Variants in SLC6A16 observed in about 807,000 individuals in gnomAD.
SLC6A16 encodes the protein orphan sodium- and chloride-dependent neurotransmitter transporter NTT5.
Under a neutral mutation model 65.4 loss-of-function variants are expected in SLC6A16, and 54 were observed. The observed-to-expected ratio is 0.83, with a 90% CI of 0.66 to 1.04. The LOEUF (loss-of-function observed/expected upper bound fraction) is 1.04. Among genes scored for constraint, SLC6A16 ranks in the 50% least tolerant of loss-of-function variants. The pLI, the probability that SLC6A16 is intolerant of heterozygous loss-of-function variation, is 0.00. For missense variants in SLC6A16, 816 were observed against 914.0 expected, an observed-to-expected ratio of 0.89 and a Z score of 1.38; for synonymous variants, 330 against 346.5, an observed-to-expected ratio of 0.95 and a Z score of 0.53.
rs955033826 is a variant in SLC6A16, at chr19:49,290,018, A to G, written c.*105T>C. 5 of 1,223,516 alleles carry G rather than the reference A, an allele frequency of 4.1e-6. No individual in the cohort carries two copies. The highest frequency in any genetic ancestry group is 3.0e-5 in the African/African-American group (2 of 66,454). The allele number at this position is 1,223,516 out of a possible 1,614,324, so 75.8% of individuals were successfully genotyped here. ...AAGAATGCCCCTCCTCTTGGAAATA[A>G]AAGTGGTTCTGGATCCAGGGAGATC... On this transcript the variant is annotated 3_prime_UTR_variant, in exon 12 of 12. Coordinates refer to ENST00000335875, the MANE Select transcript of SLC6A16 (RefSeq NM_014037.3).
At chr19:49,318,359 A>C (rs1255264914) in intron 1 of SLC6A16, among the ~76,000 whole-genome samples, 2 of 148,646 alleles carry the variant, frequency 1.3e-5, no homozygotes, top group Non-Finnish European at 3.0e-5. Context: ...TTTAGACCTG[A>C]AAAAAAAAAA....
Position 49,290,600 on chromosome 19 carries a change from C to A in SLC6A16, c.1941+5G>T. ...AAGGGGTTCTGGGTCCTGGGGGAGGCTCACGGTGCTTGAGTCCCAGGACAT... is the reference window on the plus strand; with the variant it reads ...AAGGGGTTCTGGGTCCTGGGGGAGGATCACGGTGCTTGAGTCCCAGGACAT... On this transcript the variant is annotated splice_donor_5th_base_variant and intron_variant, in intron 11 of 11. Transcript: ENST00000335875. 1 of 1,613,992 alleles carries A rather than the reference C, an allele frequency of 6.2e-7. No individual in the cohort carries two copies. Among genetic ancestry groups the A allele is most frequent in the Non-Finnish European group, 8.5e-7 (1 of 1,179,936 alleles).
the SLC6A16 span, chr19:49,335,259 A>G: frequency 6.3e-6 from 3 of 475,394 alleles, no homozygotes; most frequent in Non-Finnish European, 1.1e-5. This position sits in a 1 kb window ranked among gnomAD's most constrained non-coding sequence, Gnocchi z 4.6. Context: ...CTGCCCCATG[A>G]GTCCTTGGTG....
At chr19:49,309,206 G>C in intron 6 of SLC6A16, 89 bp from the exon 7 acceptor site, 1 of 1,587,252 alleles carries the variant, frequency 6.3e-7, no homozygotes, top group Admixed American at 1.7e-5. Context: ...GAGAGAGGGA[G>C]ATACAAAAGT....
chr19:49,315,369 T>C lies in SLC6A16; in HGVS notation c.-64-3958A>G, dbSNP rs533765830. On this transcript the variant is annotated intron_variant, in intron 1 of 11. Coordinates refer to ENST00000335875, the MANE Select transcript of SLC6A16 (RefSeq NM_014037.3). ...CAGCAGGTGGGCCACTCCTCTGTTATTGGATTTATTGGAGTTATTGGTGGG... is the reference window on the plus strand; with the variant it reads ...CAGCAGGTGGGCCACTCCTCTGTTACTGGATTTATTGGAGTTATTGGTGGG... Among the ~76,000 whole-genome samples, 10 of 152,336 alleles carry C rather than the reference T, an allele frequency of 6.6e-5. No homozygotes were observed. The South Asian group carries it at 1.2e-3, about 19-fold the overall frequency.
At chr19:49,311,468 T>A in intron 1 of SLC6A16, 57 bp from the exon 2 acceptor site, 1 of 1,107,474 alleles carries the variant, frequency 9.0e-7, no homozygotes, top group Admixed American at 3.0e-5. Context: ...ACTACTGAGT[T>A]ACAAAACAAT....
At chr19:49,301,794 C>T (rs1970296711) in intron 7 of SLC6A16, among the ~76,000 whole-genome samples, 2 of 152,184 alleles carry the variant, frequency 1.3e-5, no homozygotes, top group Non-Finnish European at 2.9e-5. Flanking sequence ...CAGTGGCCAT[C>T]GCATTCTCTG....
At chr19:49,321,719 G>A in intron 1 of SLC6A16, among the ~76,000 whole-genome samples, 1 of 150,628 alleles carries the variant, frequency 6.6e-6, no homozygotes, top group South Asian at 2.1e-4. Flanking sequence ...CTGGGTGACA[G>A]AGCAAGACTC....
chr19:49,323,362 G>A (rs1215857045), intron 1 of SLC6A16, among the ~76,000 whole-genome samples: 1 of 151,844 alleles, frequency 6.6e-6, no homozygotes, highest in East Asian at 1.9e-4. Flanking sequence ...AAACAAACAG[G>A]ATTTCATTAA....
At chr19:49,335,425 TTCTC>T in the SLC6A16 span, 533 of 798,742 alleles carry the variant, frequency 6.7e-4, 3 homozygotes, top group South Asian at 6.5e-3. The surrounding 1 kb of genome is among the most constrained non-coding windows in gnomAD (Gnocchi z 4.6). Context: ...GGTTCTTCCT[TTCTC>T]TCTCAGCTCT....
chr19:49,317,676 G>A (rs1417658720), intron 1 of SLC6A16, among the ~76,000 whole-genome samples: 4 of 151,734 alleles, frequency 2.6e-5, no homozygotes, highest in Admixed American at 6.6e-5. Flanking sequence ...CATGGTGGCG[G>A]GCGCCTGTAG....
rs1226417209 is a variant in SLC6A16, at chr19:49,294,448, C to A, written c.1335G>T (p.Trp445Cys). Reference protein sequence around the residue: ...LYNPTSIYNAWLSGLPQHIKS... With the variant: ...LYNPTSIYNACLSGLPQHIKS... ...TGATGTGCTGGGGAAGGCCACTGAG[C>A]CAGGCATTGTAGATGGAGGTTGGGT... The change falls in exon 8 of 12, where the codon TGG becomes TGT. Residue 445 changes from tryptophan to cysteine, a missense_variant. Trp to Cys is a radical substitution (Grantham distance 215, BLOSUM62 -2). Transcript: ENST00000335875. 6.2e-7 allele frequency: 1 copy of A among 1,613,958 alleles called. No homozygotes were observed. The highest frequency in any genetic ancestry group is 1.7e-5 in the Admixed American group (1 of 59,982).
In SLC6A16 at chr19:49,293,395, T is replaced by A. The variant is rs367907407; in HGVS notation, c.1619-13A>T. 4 of 1,613,286 alleles carry A rather than the reference T, an allele frequency of 2.5e-6. No individual in the cohort carries two copies. The highest frequency in any genetic ancestry group is 1.3e-5 in the African/African-American group (1 of 74,816). On this transcript the variant is annotated splice_polypyrimidine_tract_variant and intron_variant, in intron 9 of 11. Transcript: ENST00000335875. ...AAAAAGACTCCCACTGGAGAAAACA[T>A]GAGATCTGGATCAAGGTTAGAAGTC...
chr19:49,310,685 A>G (rs1032883436), intron 2 of SLC6A16, among the ~76,000 whole-genome samples, 175 bp from the exon 3 acceptor site: 2 of 152,072 alleles, frequency 1.3e-5, no homozygotes, highest in Non-Finnish European at 2.9e-5. Context: ...CTGGCCCCCA[A>G]ATCCTGGAAG....
intron 7 of SLC6A16, among the ~76,000 whole-genome samples, chr19:49,298,749 T>C (rs962746944): frequency 1.3e-5 from 2 of 152,222 alleles, no homozygotes; most frequent in African/African-American, 4.8e-5. Flanking sequence ...AAAAGATACA[T>C]GTACTCATAT....
chr19:49,309,388 G>A lies in SLC6A16; in HGVS notation c.900C>T (p.Leu300=), dbSNP rs1461444905. 1 of 1,613,928 alleles carries A rather than the reference G, an allele frequency of 6.2e-7. No homozygotes were observed. Among genetic ancestry groups the A allele is most frequent in the Non-Finnish European group, 8.5e-7 (1 of 1,179,890 alleles). ...AGAAACCGACAATGATGAAACAGGG[G>A]AGCAGTACCAAGACATAGATTACCT... ...TGKVIYVLVL[L]PCFIIVGFFI... is the part of the protein sequence containing the mutation. Residue 300 remains leucine (L), a synonymous_variant, in exon 6 of 12, where the codon CTC becomes CTT. Transcript: ENST00000335875.
chr19:49,306,339 C>T (rs1023381700), intron 7 of SLC6A16, among the ~76,000 whole-genome samples: 2 of 151,166 alleles, frequency 1.3e-5, no homozygotes, highest in Non-Finnish European at 3.0e-5. Context: ...TAAAGTTATA[C>T]ACAATATGGA....
the SLC6A16 span, chr19:49,337,981 C>G: frequency 6.2e-7 from 1 of 1,614,106 alleles, no homozygotes; most frequent in Non-Finnish European, 8.5e-7. Context: ...ACGGCACCAA[C>G]CCCGAGGAGA....
At chr19:49,320,700 A>C (rs551413855) in intron 1 of SLC6A16, among the ~76,000 whole-genome samples, 33 of 152,340 alleles carry the variant, frequency 2.2e-4, no homozygotes, top group African/African-American at 7.9e-4. Context: ...ATTCTACAGA[A>C]ATAGAAGGAT....
Sources: allele counts gnomAD v4.1 joint callset (sites outside exome capture counted in the v4.1 genomes callset), GRCh38; gene constraint gnomAD v4.1.1; non-coding constraint Gnocchi (gnomAD v3.1); transcripts MANE v1.5; gene names NCBI Gene and HGNC (gene_info 2026-07-23, HGNC 2026-07-21).